Variants in MORC3 observed in about 807,000 individuals in gnomAD.
MORC3 encodes the protein MORC family CW-type zinc finger protein 3.
Under a neutral mutation model 109.1 loss-of-function variants are expected in MORC3, and 31 were observed. The ratio of observed to expected loss-of-function variants is 0.28; its 90% CI spans 0.21 to 0.38. The LOEUF (loss-of-function observed/expected upper bound fraction) is 0.38, where lower values mean the gene tolerates loss of function less well. Among genes scored for constraint, MORC3 ranks in the 10% least tolerant of loss-of-function variants. The pLI, the probability that MORC3 is intolerant of heterozygous loss-of-function variation, is 1.00. For missense variants in MORC3, 867 were observed against 1,135.8 expected (o/e 0.76, Z 3.40); for synonymous variants, 395 against 380.7 (o/e 1.04, Z -0.44).
chr21:36,357,163 C>T (rs1011244624), intron 10 of MORC3, among the ~76,000 whole-genome samples: 1 of 152,016 alleles, frequency 6.6e-6, no homozygotes, highest in African/African-American at 2.4e-5. Context: ...TTTGCCTCCT[C>T]GAATTATATG....
At chr21:36,349,455 T>TTCCCC in intron 9 of MORC3, 47 bp downstream of exon 9, 1 of 1,283,674 alleles carries the variant, frequency 7.8e-7, no homozygotes. Flanking sequence ...AGGAAATGTA[T>TTCCCC]TACCAAGAAA....
At chr21:36,343,544 G>A (rs899252729) in intron 6 of MORC3, among the ~76,000 whole-genome samples, 1 of 150,904 alleles carries the variant, frequency 6.6e-6, no homozygotes, top group African/African-American at 2.4e-5. Flanking sequence ...CGGCTCCTGG[G>A]TTCAAGCGAT....
chr21:36,333,456 T>C (rs139675320), intron 1 of MORC3, 190 bp from the exon 2 acceptor site: 4 of 588,406 alleles, frequency 6.8e-6, no homozygotes, highest in Admixed American at 6.2e-5. Context: ...GTAAGCTGTT[T>C]AGTTGGTTCC....
At position 36,368,745 on chromosome 21, in the gene MORC3, C is replaced by T. The variant is rs145533779; in HGVS notation, c.1620-243C>T. On this transcript the variant is annotated intron_variant, in intron 14 of 16. Coordinates refer to ENST00000400485, the MANE Select transcript of MORC3 (RefSeq NM_015358.3). The stretch of plus-strand genomic sequence containing the variant: ...TATAAAAATTAGCTGGACGTGGTGG[C>T]GGGTGCCTGTAATCCCAGCTCCTCA... Among the ~76,000 whole-genome samples the T allele has an allele frequency of 9.2e-5, 14 of 152,188 alleles. No homozygotes were observed. The East Asian group carries it at 2.5e-3, about 27-fold the overall frequency.
intron 12 of MORC3, among the ~76,000 whole-genome samples, chr21:36,361,207 T>C (rs1433643245): frequency 6.6e-6 from 1 of 151,990 alleles, no homozygotes; most frequent in South Asian, 2.1e-4. Flanking sequence ...TGATTTGTAG[T>C]GTACTATTCT....
At chr21:36,367,598 C>T (rs913001680) in intron 14 of MORC3, among the ~76,000 whole-genome samples, 12 of 152,222 alleles carry the variant, frequency 7.9e-5, no homozygotes, top group Admixed American at 4.6e-4. Context: ...CAGAATGGGA[C>T]GTAGGCACTG....
intron 8 of MORC3, among the ~76,000 whole-genome samples, 182 bp downstream of exon 8, chr21:36,345,213 T>G: frequency 9.6e-6 from 1 of 104,200 alleles, no homozygotes. Context: ...TCCCCTCCCC[T>G]CCCTTCCCCT....
At chr21:36,320,562 C>G (rs1164496390) in intron 1 of MORC3, 2 of 330,880 alleles carry the variant, frequency 6.0e-6, no homozygotes, top group Non-Finnish European at 1.1e-5. Flanking sequence ...CCTCCCAGCT[C>G]CCTCCTAGTC....
intron 13 of MORC3, 55 bp downstream of exon 13, chr21:36,362,283 C>A (rs1455916769): frequency 3.9e-6 from 6 of 1,543,202 alleles, no homozygotes; most frequent in Non-Finnish European, 5.3e-6. Flanking sequence ...GGGCTGACAC[C>A]CGTAATCCCA....
At chr21:36,355,438 G>A (rs1408537554) in intron 9 of MORC3, among the ~76,000 whole-genome samples, 2 of 152,140 alleles carry the variant, frequency 1.3e-5, no homozygotes, top group Non-Finnish European at 2.9e-5. Flanking sequence ...CCAAAAGACT[G>A]GCAGCTGGTG....
chr21:36,366,978 A>G (rs1289619321), intron 14 of MORC3, among the ~76,000 whole-genome samples: 5 of 152,288 alleles, frequency 3.3e-5, no homozygotes, highest in African/African-American at 1.2e-4. Context: ...AGTTTACGCC[A>G]CAGGTCCCTA....
chr21:36,374,243 C>T (rs930845147), intron 16 of MORC3, among the ~76,000 whole-genome samples: 4 of 152,090 alleles, frequency 2.6e-5, no homozygotes, highest in African/African-American at 9.7e-5. Context: ...GTGTGCGCCA[C>T]CACGCCCAGC....
chr21:36,344,169 C>T (rs1269206585), intron 6 of MORC3, among the ~76,000 whole-genome samples: 1 of 151,990 alleles, frequency 6.6e-6, no homozygotes, highest in African/African-American at 2.4e-5. Flanking sequence ...CCTCTGTCCC[C>T]CACACTGGAG....
At chr21:36,338,633 T>G in intron 4 of MORC3, 141 bp from the exon 5 acceptor site, 1 of 801,464 alleles carries the variant, frequency 1.2e-6, no homozygotes, top group Non-Finnish European at 1.8e-6. Flanking sequence ...TAAGCAATAG[T>G]GAGACCCTAT....
chr21:36,329,082 C>T (rs897901466), intron 1 of MORC3, among the ~76,000 whole-genome samples: 40 of 152,100 alleles, frequency 2.6e-4, no homozygotes, highest in African/African-American at 9.2e-4. Context: ...CGCCTGAGGT[C>T]GGCAGTTCGA....
intron 10 of MORC3, among the ~76,000 whole-genome samples, chr21:36,358,749 G>A (rs965247938): frequency 7.3e-5 from 11 of 151,616 alleles, no homozygotes; most frequent in African/African-American, 2.4e-4. Context: ...GCGCAATCTC[G>A]GCTCACTGCA....
chr21:36,366,605 C>T (rs1439145554), intron 14 of MORC3, among the ~76,000 whole-genome samples: 1 of 152,110 alleles, frequency 6.6e-6, no homozygotes, highest in African/African-American at 2.4e-5. Context: ...CAAATGTACA[C>T]CGCCATGCCC....
chr21:36,320,295 C>T lies in MORC3; in HGVS notation c.31C>T (p.Leu11Phe). The T allele has an allele frequency of 1.9e-6, 3 of 1,563,358 alleles. No individual in the cohort carries two copies. Among genetic ancestry groups the T allele is most frequent in the Non-Finnish European group, 2.6e-6 (3 of 1,155,858 alleles). The change falls in exon 1 of 17, where the codon CTC becomes TTC. Residue 11 changes from leucine (L) to phenylalanine (F), a missense_variant. By Grantham distance (22) the Leu-to-Phe change is conservative (BLOSUM62 0). This residue lies in a region of MORC3 where 33 missense variants were observed against 18.5 expected (regional missense o/e 1.78). Transcript: ENST00000400485. MAAQPPRGIR[L>F]SALCPKFLHT... is the part of the protein sequence containing the mutation. ...GGCGCAGCCACCCCGCGGGATACGCCTCAGCGCGGTGAGCAGCCGCGAGGG... is the reference window on the plus strand; with the variant it reads ...GGCGCAGCCACCCCGCGGGATACGCTTCAGCGCGGTGAGCAGCCGCGAGGG...
chr21:36,328,224 A>G lies in MORC3; in HGVS notation c.40-5422A>G, dbSNP rs1021594182. On this transcript the variant is annotated intron_variant, in intron 1 of 16. Coordinates refer to ENST00000400485, the MANE Select transcript of MORC3 (RefSeq NM_015358.3). ...TTTACATACATTTGATATGATCAAA[A>G]ATGTATATTTGTTCTTTGTCCTGGT... Among the ~76,000 whole-genome samples, 12 of 151,912 alleles carry G rather than the reference A, an allele frequency of 7.9e-5. No homozygotes were observed. The East Asian group carries it at 2.3e-3, about 29-fold the overall frequency.
Sources: gnomAD v4.1 joint callset for allele counts (sites outside exome capture counted in the v4.1 genomes callset) on GRCh38, gnomAD v4.1.1 for gene constraint, gnomAD v4.1.1 regional missense constraint, MANE v1.5 for transcripts, NCBI Gene and HGNC (gene_info 2026-07-23, HGNC 2026-07-21) for gene names.